UGT1A3: variants seen among roughly 807,000 people sequenced by gnomAD.
UGT1A3 encodes the protein UDP glucuronosyltransferase family 1 member A3, also known as UDP-glucuronosyltransferase 1A3.
A neutral mutation model predicts 41.0 loss-of-function variants in UGT1A3; 31 were observed. That is an observed-to-expected ratio of 0.76 (90% CI 0.57 to 1.02). The LOEUF is 1.02. UGT1A3 is among the 50% of genes least tolerant of loss of function. UGT1A3 has a pLI of 0.00. For missense variants in UGT1A3, 737 were observed against 671.0 expected (o/e 1.10, Z -1.09); for synonymous variants, 262 against 257.6 (o/e 1.02, Z -0.17).
Position 233,729,421 on chromosome 2 carries a change from C to T in UGT1A3, c.295C>T (p.Leu99=), listed in dbSNP as rs1041783998. The part of the protein sequence containing the change: ...FDRHVLGHTQ[L]YFETEHFLKK... ...TCGCCATGTGCTGGGCCACACTCAACTGTACTTTGAAACAGAACATTTTCT... is the reference window on the plus strand; with the variant it reads ...TCGCCATGTGCTGGGCCACACTCAATTGTACTTTGAAACAGAACATTTTCT... The change falls in exon 1 of 5, where the codon CTG becomes TTG. Residue 99 remains leucine (L), a synonymous_variant. Coordinates refer to ENST00000482026, the MANE Select transcript of UGT1A3 (RefSeq NM_019093.4). 2 of 1,613,652 alleles carry T rather than the reference C, an allele frequency of 1.2e-6. No homozygotes were observed. Among genetic ancestry groups the T allele is most frequent in the Non-Finnish European group, 1.7e-6 (2 of 1,179,788 alleles).
rs72551358 is a variant in UGT1A3 at position 233,772,345 on chromosome 2, A to T, written c.1391A>T (p.Glu464Val). Residue 464 changes from glutamate (E) to valine (V), a missense_variant, in exon 5 of 5, where the codon GAG becomes GTG. Coordinates refer to ENST00000482026, the MANE Select transcript of UGT1A3 (RefSeq NM_019093.4). ...CTGGACCTGGCCGTGTTCTGGGTGGAGTTTGTGATGAGGCACAAGGGCGCG... is the reference window on the plus strand; with the variant it reads ...CTGGACCTGGCCGTGTTCTGGGTGGTGTTTGTGATGAGGCACAAGGGCGCG... ...EPLDLAVFWV[E>V]FVMRHKGAPH... 7 of 1,614,196 alleles carry T rather than the reference A, an allele frequency of 4.3e-6. No homozygotes were observed. In the South Asian group the frequency reaches 7.7e-5, roughly 18 times the overall value.
intron 1 of UGT1A3, chr2:233,743,933 G>T (rs1319527828): frequency 7.4e-7 from 1 of 1,357,046 alleles, no homozygotes; most frequent in African/African-American, 1.5e-5. Context: ...TGGCCAGAAC[G>T]GCCCACCAGG....
At chr2:233,751,930 T>G (rs1477221297) in intron 1 of UGT1A3, among the ~76,000 whole-genome samples, 5 of 152,152 alleles carry the variant, frequency 3.3e-5, no homozygotes, top group African/African-American at 7.2e-5. Context: ...TGGTGGTGAT[T>G]GAAGTTATAC....
At chr2:233,752,746 AAAACAAACAAAC>A (rs200752387) in intron 1 of UGT1A3, among the ~76,000 whole-genome samples, 1 of 152,190 alleles carries the variant, frequency 6.6e-6, no homozygotes, top group East Asian at 1.9e-4. Flanking sequence ...CCCTGTCTCT[AAAACAAACAAAC>A]AAACAAACAA....
intron 1 of UGT1A3, among the ~76,000 whole-genome samples, chr2:233,759,688 G>T (rs537890519): frequency 7.0e-6 from 1 of 143,840 alleles, no homozygotes; most frequent in Admixed American, 7.5e-5. Flanking sequence ...TGTGAGTCTG[G>T]CTCACCTCAT....
chr2:233,770,217 G>T (rs1322403541), intron 4 of UGT1A3: 1 of 152,188 alleles, frequency 6.6e-6, no homozygotes, highest in Admixed American at 6.5e-5. Flanking sequence ...AGCCATCCCT[G>T]TCTGATTGTG....
chr2:233,767,930 C>A lies in UGT1A3; in HGVS notation c.1081C>A (p.Leu361Met). The change falls in exon 3 of 5, where the codon CTG (leucine) becomes ATG (methionine). Residue 361 changes from leucine to methionine, a missense_variant. By Grantham distance (15) the Leu-to-Met change is conservative (BLOSUM62 2). Coordinates refer to ENST00000482026, the MANE Select transcript of UGT1A3 (RefSeq NM_019093.4). ...ILVKWLPQND[L>M]LGHPMTRAFI... ...TGTTAAGTGGCTACCCCAAAACGAT[C>A]TGCTTGGTATGTTGGGCGGATTGGA... The A allele has an allele frequency of 6.2e-7, 1 of 1,614,200 alleles. No individual in the cohort carries two copies. The highest frequency in any genetic ancestry group is 8.5e-7 in the Non-Finnish European group (1 of 1,180,054).
At chr2:233,767,976 C>G in intron 3 of UGT1A3, 40 bp downstream of exon 3, 1 of 1,614,042 alleles carries the variant, frequency 6.2e-7, no homozygotes. Context: ...AAACCAGGGT[C>G]AAATTAAGAA....
At chr2:233,745,468 A>C (rs991715539) in intron 1 of UGT1A3, among the ~76,000 whole-genome samples, 2 of 151,704 alleles carry the variant, frequency 1.3e-5, no homozygotes, top group African/African-American at 4.9e-5. Context: ...TCTAAGGGGA[A>C]AATGATTAAC....
intron 1 of UGT1A3, among the ~76,000 whole-genome samples, chr2:233,751,411 T>C (rs1183802209): frequency 1.3e-5 from 2 of 152,166 alleles, no homozygotes; most frequent in Admixed American, 6.5e-5. Flanking sequence ...ACTATGGACT[T>C]TTGAGCTAGT....
At chr2:233,738,082 A>T (rs1218405907) in intron 1 of UGT1A3, among the ~76,000 whole-genome samples, 1 of 152,110 alleles carries the variant, frequency 6.6e-6, no homozygotes, top group South Asian at 2.1e-4. Context: ...TCCTAATCTC[A>T]TCATAGTGAG....
In UGT1A3 at chr2:233,769,947, C is replaced by T. The variant is rs202080312; in HGVS notation, c.1307+1508C>T. On this transcript the variant is annotated intron_variant, in intron 4 of 4. Coordinates refer to ENST00000482026, the MANE Select transcript of UGT1A3 (RefSeq NM_019093.4). The surrounding 1 kb of genome is among the most constrained non-coding windows in gnomAD (Gnocchi z 4.4). ...GTGTGGTCCCATTCCTTCCTTCCAG[C>T]GGCTTCTTCTGGCCACCTCAATGTC... The T allele has an allele frequency of 2.2e-5, 5 of 224,160 alleles. No homozygotes were observed. Among genetic ancestry groups the T allele is most frequent in the Non-Finnish European group, 3.5e-5 (4 of 114,192 alleles). 13.9% of individuals were successfully genotyped at this position (224,160 alleles called of 1,614,324 possible). A position where few individuals can be genotyped will look rare whatever the true frequency, so the allele number is the denominator to read the frequency against.
chr2:233,759,397 G>A (rs1263018819), intron 1 of UGT1A3, among the ~76,000 whole-genome samples: 10 of 152,128 alleles, frequency 6.6e-5, no homozygotes, highest in East Asian at 5.8e-4. Context: ...CAGAGTAACC[G>A]TGTGACCTGT....
In UGT1A3 at chr2:233,769,690, G is replaced by A; in HGVS notation, c.1307+1251G>A. ...GTGCTAATGTGTGTGTGGTGGCACT[G>A]GATAAAAGATCAATGTTGGCTAGGC... On this transcript the variant is annotated intron_variant, in intron 4 of 4. Transcript: ENST00000482026. The surrounding 1 kb of genome is among the most constrained non-coding windows in gnomAD (Gnocchi z 4.4). The A allele has an allele frequency of 6.5e-7, 1 of 1,547,510 alleles. No homozygotes were observed. Among genetic ancestry groups the A allele is most frequent in the African/African-American group, 1.4e-5 (1 of 73,636 alleles).
chr2:233,760,450 C>CA lies in UGT1A3; in HGVS notation c.868-6583dup. On this transcript the variant is annotated intron_variant, in intron 1 of 4. Coordinates refer to ENST00000482026, the MANE Select transcript of UGT1A3 (RefSeq NM_019093.4). ...CATCCAGCAGCTGCAGCAGAGGGGA[C>CA]ATGAAATAGTTGTCCTAGCACCTGA... 1.2e-6 allele frequency: 2 copies of CA among 1,614,202 alleles called. No individual in the cohort carries two copies. The highest frequency in any genetic ancestry group is 1.7e-6 in the Non-Finnish European group (2 of 1,180,036).
intron 1 of UGT1A3, chr2:233,754,969 T>C: frequency 7.7e-7 from 1 of 1,302,646 alleles, no homozygotes; most frequent in African/African-American, 1.5e-5. Flanking sequence ...AAGAACTCCC[T>C]GAAGACCTCG....
intron 4 of UGT1A3, chr2:233,770,929 T>C (rs1212453952): frequency 6.6e-6 from 1 of 152,194 alleles, no homozygotes; most frequent in African/African-American, 2.4e-5. Context: ...CTGACATCAC[T>C]TGGCTGCCGG....
At chr2:233,731,751 G>A (rs1484667687) in intron 1 of UGT1A3, among the ~76,000 whole-genome samples, 2 of 152,152 alleles carry the variant, frequency 1.3e-5, no homozygotes, top group Non-Finnish European at 2.9e-5. Context: ...ACATACGTGT[G>A]CATGTGTCCT....
chr2:233,740,338 G>C (rs1156245808), intron 1 of UGT1A3, among the ~76,000 whole-genome samples: 2 of 151,948 alleles, frequency 1.3e-5, no homozygotes, highest in Admixed American at 1.3e-4. Context: ...TGAGAAAGTT[G>C]ATGAGAAAGT....
Sources: allele counts gnomAD v4.1 joint callset (sites outside exome capture counted in the v4.1 genomes callset), GRCh38; gene constraint gnomAD v4.1.1; non-coding constraint Gnocchi (gnomAD v3.1); transcripts MANE v1.5; gene names NCBI Gene and HGNC (gene_info 2026-07-23, HGNC 2026-07-21).